LRRC4C: variants seen among roughly 807,000 people sequenced by gnomAD.
LRRC4C encodes leucine-rich repeat-containing protein 4C.
In LRRC4C, 5 loss-of-function variants were observed where a neutral mutation model predicts 33.6. The observed-to-expected ratio is 0.15, with a 90% CI of 0.08 to 0.31. LRRC4C has a LOEUF of 0.31. LRRC4C is among the 10% of genes least tolerant of loss of function. The probability of loss-of-function intolerance (pLI) is 1.00; values close to 1 mark genes in which losing one functional copy is unlikely to be tolerated. For synonymous variants in LRRC4C, 329 were observed against 302.0 expected, an observed-to-expected ratio of 1.09 and a Z score of -0.93; for missense variants, 560 against 796.7, an observed-to-expected ratio of 0.70 and a Z score of 3.58.
intron 2 of LRRC4C, among the ~76,000 whole-genome samples, chr11:40,685,357 C>A (rs771961806): frequency 8.6e-5 from 13 of 151,550 alleles, no homozygotes; most frequent in Admixed American, 2.0e-4. Context: ...TAAATAAAAG[C>A]AACTTCAATT....
chr11:40,732,212 A>G (rs1947622642), intron 2 of LRRC4C, among the ~76,000 whole-genome samples: 1 of 152,198 alleles, frequency 6.6e-6, no homozygotes, highest in Non-Finnish European at 1.5e-5. Context: ...TTATCAGAAA[A>G]AAAAGTATGG....
intron 3 of LRRC4C, among the ~76,000 whole-genome samples, chr11:40,590,628 G>A (rs1433729812): frequency 6.6e-6 from 1 of 151,474 alleles, no homozygotes. Flanking sequence ...TTTGGTCTTT[G>A]ATGATGGTGA....
At chr11:40,224,261 A>G (rs774738082) in intron 5 of LRRC4C, among the ~76,000 whole-genome samples, 1 of 152,198 alleles carries the variant, frequency 6.6e-6, no homozygotes, top group African/African-American at 2.4e-5. Context: ...GATCTGGTTT[A>G]TATATAATTC....
chr11:41,392,160 C>T (rs1376504642), intron 1 of LRRC4C, among the ~76,000 whole-genome samples: 1 of 151,852 alleles, frequency 6.6e-6, no homozygotes, highest in Non-Finnish European at 1.5e-5. Flanking sequence ...CATGATAAGG[C>T]ACTTTCATCT....
At chr11:40,718,468 G>A (rs1254419121) in intron 2 of LRRC4C, among the ~76,000 whole-genome samples, 1 of 152,242 alleles carries the variant, frequency 6.6e-6, no homozygotes, top group African/African-American at 2.4e-5. Context: ...TTTAACCACT[G>A]CTTTCATGCA....
chr11:40,320,779 C>T lies in LRRC4C; in HGVS notation c.-269-1058G>A, dbSNP rs537717166. ...TCTTTCAAATTCTGTGATAATTTTC[C>T]TTCTGAGGGTATGTTTTGATATGGG... On this transcript the variant is annotated intron_variant, in intron 3 of 6. Transcript: ENST00000528697. Among the ~76,000 whole-genome samples, 4 of 152,132 alleles carry T rather than the reference C, an allele frequency of 2.6e-5. No homozygotes were observed. In the South Asian group the frequency reaches 6.2e-4, roughly 24 times the overall value.
intron 3 of LRRC4C, among the ~76,000 whole-genome samples, chr11:40,551,090 C>T (rs1351195550): frequency 1.3e-5 from 2 of 152,072 alleles, no homozygotes; most frequent in Admixed American, 6.6e-5. Flanking sequence ...TCTATCTCAG[C>T]CTTTGAATCC....
chr11:40,166,125 G>A (rs968987497), intron 5 of LRRC4C, among the ~76,000 whole-genome samples: 6 of 152,118 alleles, frequency 3.9e-5, no homozygotes, highest in Non-Finnish European at 7.3e-5. Flanking sequence ...GTGTACATAT[G>A]TTCCAAATGT....
chr11:40,970,778 C>T (rs1851671408), intron 1 of LRRC4C, among the ~76,000 whole-genome samples: 1 of 152,000 alleles, frequency 6.6e-6, no homozygotes, highest in South Asian at 2.1e-4. Context: ...TGAGGTGGAC[C>T]CAGATGGAAA....
chr11:41,168,954 A>C (rs1385673859), intron 1 of LRRC4C, among the ~76,000 whole-genome samples: 1 of 152,164 alleles, frequency 6.6e-6, no homozygotes, highest in African/African-American at 2.4e-5. Context: ...AGATTTACAT[A>C]CATAATCGCC....
chr11:40,860,018 G>A (rs1591916607), intron 2 of LRRC4C, among the ~76,000 whole-genome samples: 2 of 152,022 alleles, frequency 1.3e-5, no homozygotes, highest in South Asian at 2.1e-4. Context: ...CCCGGGAGGC[G>A]GAGGTTGCAG....
At position 40,204,660 on chromosome 11, in the gene LRRC4C, A is replaced by G. The variant is rs1565130462; in HGVS notation, c.-96+36859T>C. Among the ~76,000 whole-genome samples, 3 of 152,180 alleles carry G rather than the reference A, an allele frequency of 2.0e-5. 1 individual carries two copies. In the East Asian group the frequency reaches 5.8e-4, roughly 29 times the overall value. On this transcript the variant is annotated intron_variant, in intron 5 of 6. Coordinates refer to ENST00000528697, the MANE Select transcript of LRRC4C (RefSeq NM_001258419.2). The stretch of plus-strand genomic sequence containing the variant: ...TGTATTTTCCCTTTGGATAAAGACA[A>G]TTGATAAATACAGATGGCTTATGAC...
At chr11:40,656,880 C>T (rs1290323293) in intron 2 of LRRC4C, among the ~76,000 whole-genome samples, 6 of 152,100 alleles carry the variant, frequency 3.9e-5, no homozygotes, top group Non-Finnish European at 7.4e-5. Flanking sequence ...GTAAATTGAG[C>T]ATTGTAGAAA....
intron 1 of LRRC4C, among the ~76,000 whole-genome samples, chr11:41,073,998 T>C (rs564281578): frequency 6.6e-6 from 1 of 152,340 alleles, no homozygotes; most frequent in Non-Finnish European, 1.5e-5. Context: ...AACTGCCCTC[T>C]TAGTTGTGGT....
At chr11:40,584,205 T>TATATATATATATATATATA (rs59881685) in intron 3 of LRRC4C, among the ~76,000 whole-genome samples, 2 of 138,420 alleles carry the variant, frequency 1.4e-5, no homozygotes, top group South Asian at 2.3e-4. Flanking sequence ...TATATATATA[T>TATATATATATATATATATA]GAACTCTTTG....
intron 3 of LRRC4C, among the ~76,000 whole-genome samples, chr11:40,399,744 C>T (rs1949689415): frequency 6.6e-6 from 1 of 152,044 alleles, no homozygotes; most frequent in Admixed American, 6.6e-5. Flanking sequence ...ACAATGGTAA[C>T]ATCATGTGCT....
intron 3 of LRRC4C, among the ~76,000 whole-genome samples, chr11:40,493,884 C>G (rs1739115469): frequency 6.6e-6 from 1 of 152,152 alleles, no homozygotes; most frequent in Admixed American, 6.6e-5. Flanking sequence ...GTTCTCCATC[C>G]TACTCTAAAT....
intron 1 of LRRC4C, among the ~76,000 whole-genome samples, chr11:41,138,205 A>G (rs1173579649): frequency 6.6e-6 from 1 of 152,248 alleles, no homozygotes; most frequent in Non-Finnish European, 1.5e-5. Flanking sequence ...CTTGAGCCTT[A>G]TAACAATTGC....
At chr11:40,304,123 C>T (rs1944913009) in intron 4 of LRRC4C, among the ~76,000 whole-genome samples, 3 of 152,170 alleles carry the variant, frequency 2.0e-5, no homozygotes, top group Admixed American at 2.0e-4. Flanking sequence ...ATTTCAGAAG[C>T]TCCCTCCATA....
Sources: gnomAD v4.1 joint callset for allele counts (sites outside exome capture counted in the v4.1 genomes callset) on GRCh38, gnomAD v4.1.1 for gene constraint, MANE v1.5 for transcripts, NCBI Gene and HGNC (gene_info 2026-07-23, HGNC 2026-07-21) for gene names.